The following DSP variants were observed in gnomAD, a reference collection of about 807,000 sequenced individuals.
The protein encoded by DSP is desmoplakin, also known as 250/210 kDa paraneoplastic pemphigus antigen.
In DSP, 114 loss-of-function variants were observed where a neutral mutation model predicts 290.6. The ratio of observed to expected loss-of-function variants is 0.39; its 90% CI spans 0.34 to 0.46. The LOEUF (loss-of-function observed/expected upper bound fraction) is 0.46, where lower values mean the gene tolerates loss of function less well. DSP is among the 20% of genes least tolerant of loss of function. DSP has a pLI of 0.99. For synonymous variants in DSP, 1,311 were observed against 1,316.4 expected (o/e 1.00, Z 0.09); for missense variants, 3,230 against 3,495.8 (o/e 0.92, Z 1.92).
rs1421186832 is a variant in DSP, at chr6:7,579,331, C to T, written c.3141C>T (p.Ala1047=). The stretch of plus-strand genomic sequence containing the variant: ...AGGAGCTCAGACTGGCCCGAGATGC[C>T]AACTCGGAAAACTGTAATAAGAACA... ...LEEELRLARD[A]NSENCNKNKF... is the part of the protein sequence containing the mutation. The change falls in exon 23 of 24, where the codon GCC becomes GCT. Residue 1047 remains alanine (A), a synonymous_variant. Coordinates refer to ENST00000379802, the MANE Select transcript of DSP (RefSeq NM_004415.4). The surrounding 1 kb of genome is among the most constrained non-coding windows in gnomAD (Gnocchi z 4.1). 2.5e-6 allele frequency: 4 copies of T among 1,613,998 alleles called. No homozygotes were observed. The highest frequency in any genetic ancestry group is 1.3e-5 in the African/African-American group (1 of 74,914).
intron 4 of DSP, among the ~76,000 whole-genome samples, chr6:7,561,142 G>A (rs1038720988): frequency 3.3e-5 from 5 of 152,064 alleles, no homozygotes; most frequent in Admixed American, 6.5e-5. Flanking sequence ...TAGTAGAGAC[G>A]GGGGTTTTGC....
chr6:7,581,170 G>A lies in DSP; in HGVS notation c.4980G>A (p.Glu1660=). 1 of 1,614,196 alleles carries A rather than the reference G, an allele frequency of 6.2e-7. No individual in the cohort carries two copies. The highest frequency in any genetic ancestry group is 1.7e-5 in the Admixed American group (1 of 60,020). The change falls in exon 23 of 24, where the codon GAG becomes GAA. Residue 1660 remains glutamate (E), a synonymous_variant. Transcript: ENST00000379802. ...TQEELRRLSS[E]VEALRRQLLQ... ...AAGAGCTGAGGAGGCTCTCTTCTGAGGTCGAGGCCCTGAGGCGGCAGTTAC... is the reference window on the plus strand; with the variant it reads ...AAGAGCTGAGGAGGCTCTCTTCTGAAGTCGAGGCCCTGAGGCGGCAGTTAC...
rs777457799 is a variant in DSP at position 7,580,258 on chromosome 6, TGAG to T, written c.4072_4074del (p.Glu1358del). 12 of 1,613,586 alleles carry T rather than the reference TGAG, an allele frequency of 7.4e-6. No homozygotes were observed. The highest frequency in any genetic ancestry group is 4.5e-5 in the East Asian group (2 of 44,872). On this transcript the variant is annotated inframe_deletion, in exon 23 of 24. Coordinates refer to ENST00000379802, the MANE Select transcript of DSP (RefSeq NM_004415.4). The surrounding 1 kb of genome is among the most constrained non-coding windows in gnomAD (Gnocchi z 4.2). ...TGAGTAAGGTAAGAAACAATTATGA[TGAG>T]GAGATCATTAGCTTAAAAAATCAGT... is the stretch of plus-strand genomic sequence containing the variant.
chr6:7,584,075 G>A lies in DSP; in HGVS notation c.6813G>A (p.Lys2271=). 2 of 1,614,168 alleles carry A rather than the reference G, an allele frequency of 1.2e-6. No individual in the cohort carries two copies. Among genetic ancestry groups the A allele is most frequent in the East Asian group, 2.2e-5 (1 of 44,868 alleles). The change falls in exon 24 of 24, where the codon AAG becomes AAA. Residue 2271 remains lysine (K), a synonymous_variant. Transcript: ENST00000379802. This position sits in a 1 kb window ranked among gnomAD's most constrained non-coding sequence, Gnocchi z 6.4. ...TATACAATGAGACCACAAAACAGAA[G>A]CTTGGCATTTATGAGGCCATGAAAA... The part of the protein sequence containing the change: ...AGIYNETTKQ[K]LGIYEAMKIG...
In DSP at chr6:7,565,946, A is replaced by G. The variant is rs1303859145; in HGVS notation, c.939+426A>G. The G allele has an allele frequency of 1.2e-5, 4 of 330,810 alleles. No individual in the cohort carries two copies. The highest frequency in any genetic ancestry group is 2.1e-5 in the African/African-American group (1 of 46,748). 20.5% of individuals were successfully genotyped at this position (330,810 alleles called of 1,614,324 possible). Reference sequence around the variant, plus strand: ...CCCTGTGATACAAGTTTACCTGTGTAACAAACCTGCACATGTATCCCTGAA... The same window carrying G: ...CCCTGTGATACAAGTTTACCTGTGTGACAAACCTGCACATGTATCCCTGAA... On this transcript the variant is annotated intron_variant, in intron 7 of 23. Coordinates refer to ENST00000379802, the MANE Select transcript of DSP (RefSeq NM_004415.4). This position sits in a 1 kb window ranked among gnomAD's most constrained non-coding sequence, Gnocchi z 4.2.
rs1298527607 is a variant in DSP at position 7,541,937 on chromosome 6, C to T, written c.22C>T (p.His8Tyr). 1 of 1,608,192 alleles carries T rather than the reference C, an allele frequency of 6.2e-7. No homozygotes were observed. The highest frequency in any genetic ancestry group is 8.5e-7 in the Non-Finnish European group (1 of 1,178,378). Residue 8 changes from histidine (H) to tyrosine (Y), a missense_variant, in exon 1 of 24, where the codon CAC (histidine) becomes TAC (tyrosine). His to Tyr is a moderately conservative substitution (Grantham distance 83). Coordinates refer to ENST00000379802, the MANE Select transcript of DSP (RefSeq NM_004415.4). ...CGACATGAGCTGCAACGGAGGCTCC[C>T]ACCCGCGGATCAACACTCTGGGCCG... MSCNGGS[H>Y]PRINTLGRMI...
rs940238260 is a variant in DSP, at chr6:7,562,770, A to C, written c.716A>C (p.Lys239Thr). The change falls in exon 5 of 24, where the codon AAA becomes ACA. Residue 239 changes from lysine to threonine, a missense_variant. Transcript: ENST00000379802. ...GDYRWQLDKI[K>T]ADLREKSAIY... is the part of the protein sequence containing the mutation. ...TATCGCTGGCAGCTGGACAAAATCA[A>C]AGCCGACCTGGTACTTGTCTGTGTT... 6.2e-7 allele frequency: 1 copy of C among 1,614,106 alleles called. No homozygotes were observed. The highest frequency in any genetic ancestry group is 8.5e-7 in the Non-Finnish European group (1 of 1,179,968).
At chr6:7,576,603 C>T in intron 19 of DSP, 147 bp downstream of exon 19, 1 of 1,044,578 alleles carries the variant, frequency 9.6e-7, no homozygotes, top group Non-Finnish European at 1.4e-6. Flanking sequence ...AAAGAATGCC[C>T]AGAGGAAAAG....
In DSP at chr6:7,555,803, G is replaced by A; in HGVS notation, c.256G>A (p.Glu86Lys). 1 of 1,614,158 alleles carries A rather than the reference G, an allele frequency of 6.2e-7. No homozygotes were observed. Among genetic ancestry groups the A allele is most frequent in the Non-Finnish European group, 8.5e-7 (1 of 1,180,036 alleles). The stretch of plus-strand genomic sequence containing the variant: ...CTGCTCCGACTGCTTGATGCGAGCA[G>A]AGCTCATCGTGCAGCCTGTAAGCTT... ...QNCSDCLMRA[E>K]LIVQPELKYG... The change falls in exon 2 of 24, where the codon GAG becomes AAG. Residue 86 changes from glutamate (E) to lysine (K), a missense_variant. Physicochemically the swap from Glu to Lys is moderately conservative, Grantham distance 56. This residue lies in a region of DSP where 646 missense variants were observed against 684.3 expected (regional missense o/e 0.94). Transcript: ENST00000379802.
Position 7,580,663 on chromosome 6 carries a change from C to CAAA in DSP, c.4474_4476dup (p.Lys1492dup). On this transcript the variant is annotated inframe_insertion, in exon 23 of 24. Coordinates refer to ENST00000379802, the MANE Select transcript of DSP (RefSeq NM_004415.4). This position sits in a 1 kb window ranked among gnomAD's most constrained non-coding sequence, Gnocchi z 4.2. ...TAGAAAGGTTAAAACAACTGATCGA[C>CAAA]AAAGAAACAAATGACCGGAAATGCC... 6.2e-7 allele frequency: 1 copy of CAAA among 1,613,988 alleles called. No individual in the cohort carries two copies. Among genetic ancestry groups the CAAA allele is most frequent in the Non-Finnish European group, 8.5e-7 (1 of 1,180,020 alleles).
Position 7,541,941 on chromosome 6 carries a change from C to G in DSP, c.26C>G (p.Pro9Arg). The G allele has an allele frequency of 6.2e-7, 1 of 1,609,390 alleles. No homozygotes were observed. The highest frequency in any genetic ancestry group is 8.5e-7 in the Non-Finnish European group (1 of 1,178,820). The change falls in exon 1 of 24, where the codon CCG becomes CGG. Residue 9 changes from proline to arginine, a missense_variant. Around this residue, in one of 5 missense-constraint regions of DSP, gnomAD observed 646 missense variants for 684.3 expected, o/e 0.94. Coordinates refer to ENST00000379802, the MANE Select transcript of DSP (RefSeq NM_004415.4). The part of the protein sequence containing the change: MSCNGGSH[P>R]RINTLGRMIR... ...ATGAGCTGCAACGGAGGCTCCCACC[C>G]GCGGATCAACACTCTGGGCCGCATG... is the stretch of plus-strand genomic sequence containing the variant.
Position 7,558,272 on chromosome 6 carries a change from C to T in DSP, c.422+8C>T. ...TGATGCTTACCAGAAAAGGTATTGTCCACAGAGCATGGATCGGGCAGTCCC... is the reference window on the plus strand; with the variant it reads ...TGATGCTTACCAGAAAAGGTATTGTTCACAGAGCATGGATCGGGCAGTCCC... On this transcript the variant is annotated splice_region_variant and intron_variant, in intron 3 of 23. Coordinates refer to ENST00000379802, the MANE Select transcript of DSP (RefSeq NM_004415.4). The T allele has an allele frequency of 6.2e-7, 1 of 1,613,244 alleles. No homozygotes were observed. The highest frequency in any genetic ancestry group is 1.1e-5 in the South Asian group (1 of 90,932).
chr6:7,582,537 C>T lies in DSP; in HGVS notation c.5380-105C>T. On this transcript the variant is annotated intron_variant, in intron 23 of 23. Coordinates refer to ENST00000379802, the MANE Select transcript of DSP (RefSeq NM_004415.4). This position sits in a 1 kb window ranked among gnomAD's most constrained non-coding sequence, Gnocchi z 4.2. ...ATATAGAAAGAAAAAATAAGCAAGG[C>T]TTTTTTTTTTAAAGATAGATACACA... 1.1e-6 allele frequency: 1 copy of T among 908,364 alleles called. No homozygotes were observed. The highest frequency in any genetic ancestry group is 1.6e-6 in the Non-Finnish European group (1 of 617,920). The allele number at this position is 908,364 out of a possible 1,614,324, so 56.3% of individuals were successfully genotyped here. A position where few individuals can be genotyped will look rare whatever the true frequency, so the allele number is the denominator to read the frequency against.
chr6:7,545,023 A>G (rs765577058), intron 1 of DSP, among the ~76,000 whole-genome samples: 9 of 152,224 alleles, frequency 5.9e-5, no homozygotes, highest in Non-Finnish European at 1.2e-4. Flanking sequence ...AACAAATTAT[A>G]AATAGTGAAA....
chr6:7,574,234 C>T lies in DSP; in HGVS notation c.2279C>T (p.Thr760Ile), dbSNP rs776873756. Residue 760 changes from threonine to isoleucine, a missense_variant, in exon 16 of 24, where the codon ACA becomes ATA. By Grantham distance (89) the Thr-to-Ile change is moderately conservative. This residue lies in a region of DSP where 1,714 missense variants were observed against 1,844.5 expected (regional missense o/e 0.93). Transcript: ENST00000379802. Reference sequence around the variant, plus strand: ...AAACTGGAAAATATCAATGGTGTTACAGATGGCTACTTAAATAGGTAAACT... The same window carrying T: ...AAACTGGAAAATATCAATGGTGTTATAGATGGCTACTTAAATAGGTAAACT... The part of the protein sequence containing the change: ...FQKLENINGV[T>I]DGYLNSLCTV... The T allele has an allele frequency of 1.2e-6, 2 of 1,613,808 alleles. No individual in the cohort carries two copies. The highest frequency in any genetic ancestry group is 1.7e-6 in the Non-Finnish European group (2 of 1,179,900).
rs781351433 is a variant in DSP at position 7,585,500 on chromosome 6, C to T, written c.8238C>T (p.Ser2746=). 1.2e-6 allele frequency: 2 copies of T among 1,614,170 alleles called. No homozygotes were observed. Among genetic ancestry groups the T allele is most frequent in the Non-Finnish European group, 1.7e-6 (2 of 1,180,040 alleles). Residue 2746 remains serine (S), a synonymous_variant, in exon 24 of 24, where the codon AGC becomes AGT. Transcript: ENST00000379802. The part of the protein sequence containing the change: ...LVDPEVHGRI[S]TEEAIRKGFI... ...ACCCGGAAGTGCATGGGAGGATAAG[C>T]ACCGAAGAAGCCATCCGGAAGGGGT...
At chr6:7,581,945 A>G (rs549732690) in intron 23 of DSP, among the ~76,000 whole-genome samples, 3 of 152,122 alleles carry the variant, frequency 2.0e-5, no homozygotes, top group Admixed American at 6.5e-5. Context: ...GCCATACTAA[A>G]GTGTTTCCCT....
At chr6:7,557,997 A>G in intron 2 of DSP, 119 bp from the exon 3 acceptor site, 2 of 1,251,132 alleles carry the variant, frequency 1.6e-6, no homozygotes, top group Non-Finnish European at 2.3e-6. Context: ...GATCATTTTC[A>G]CTGGCGAAAC....
Position 7,584,079 on chromosome 6 carries a change from G to A in DSP, c.6817G>A (p.Gly2273Ser). ...IYNETTKQKL[G>S]IYEAMKIGLV... ...CAATGAGACCACAAAACAGAAGCTTGGCATTTATGAGGCCATGAAAATTGG... is the reference window on the plus strand; with the variant it reads ...CAATGAGACCACAAAACAGAAGCTTAGCATTTATGAGGCCATGAAAATTGG... The change falls in exon 24 of 24, where the codon GGC becomes AGC. Residue 2273 changes from glycine (G) to serine (S), a missense_variant. Physicochemically the swap from Gly to Ser is moderately conservative, Grantham distance 56. This residue lies in a region of DSP where 207 missense variants were observed against 281.2 expected (regional missense o/e 0.74). Transcript: ENST00000379802. The surrounding 1 kb of genome is among the most constrained non-coding windows in gnomAD (Gnocchi z 6.4). 6.2e-7 allele frequency: 1 copy of A among 1,614,100 alleles called. No homozygotes were observed. The highest frequency in any genetic ancestry group is 8.5e-7 in the Non-Finnish European group (1 of 1,180,034).
Sources: gnomAD v4.1 joint callset for allele counts (sites outside exome capture counted in the v4.1 genomes callset) on GRCh38, gnomAD v4.1.1 for gene constraint, gnomAD v4.1.1 regional missense constraint, Gnocchi (gnomAD v3.1) non-coding constraint, MANE v1.5 for transcripts, NCBI Gene and HGNC (gene_info 2026-07-23, HGNC 2026-07-21) for gene names.